URI1: variants seen among roughly 807,000 people sequenced by gnomAD.
URI1 encodes URI1 prefoldin like chaperone.
In URI1, 39 loss-of-function variants were observed where a neutral mutation model predicts 60.2. The ratio of observed to expected loss-of-function variants is 0.65; its 90% CI spans 0.50 to 0.85. URI1 has a LOEUF of 0.85. Among genes scored for constraint, URI1 ranks in the 40% least tolerant of loss-of-function variants. The pLI is 0.00. For synonymous variants in URI1, 251 were observed against 236.8 expected, an observed-to-expected ratio of 1.06 and a Z score of -0.55; for missense variants, 691 against 665.9, an observed-to-expected ratio of 1.04 and a Z score of -0.42.
chr19:29,940,311 G>A (rs1051434187), upstream of URI1, among the ~76,000 whole-genome samples: 1 of 152,108 alleles, frequency 6.6e-6, no homozygotes, highest in African/African-American at 2.4e-5. Flanking sequence ...CCTGGCCAAG[G>A]GGATAGACTG....
At chr19:29,940,310 G>A (rs188622270), upstream of URI1, among the ~76,000 whole-genome samples, 708 of 152,248 alleles carry the variant, frequency 4.7e-3, 7 homozygotes, top group African/African-American at 0.016. Flanking sequence ...TCCTGGCCAA[G>A]GGGATAGACT....
At position 30,015,451 on chromosome 19, in the gene URI1, T is replaced by A. The variant is rs145520644; in HGVS notation, c.*382T>A. 9,129 of 1,511,076 alleles carry A rather than the reference T, an allele frequency of 6.0e-3. 30 individuals carry two copies. Among genetic ancestry groups the A allele is most frequent in the Non-Finnish European group, 7.3e-3 (8,337 of 1,138,590 alleles). 93.6% of individuals were successfully genotyped at this position (1,511,076 alleles called of 1,614,324 possible). On this transcript the variant is annotated 3_prime_UTR_variant, in exon 11 of 11. Transcript: ENST00000392271. ...ACCATATGGACCATTTTAAAGAAAA[T>A]TTTAAAATTTCAAATAGATTCAACA...
In URI1 at chr19:29,999,999, G is replaced by GTAT. The variant is rs1222787515; in HGVS notation, c.368-5356_368-5354dup. On this transcript the variant is annotated intron_variant, in intron 4 of 10. Coordinates refer to ENST00000392271, the MANE Select transcript of URI1 (RefSeq NM_003796.3). ...TTACTTCTTTTTTTTTTAATTTTAT[G>GTAT]TATTATTAACTACCTGTCTATAATT... Among the ~76,000 whole-genome samples the GTAT allele has an allele frequency of 2.0e-3, 285 of 144,228 alleles. 1 individual carries two copies. The highest frequency in any genetic ancestry group is 6.9e-3 in the African/African-American group (271 of 39,238). 94.6% of individuals were successfully genotyped at this position (144,228 alleles called of 152,430 possible).
chr19:29,932,669 T>TTA (rs2054932265), intron 1 of URI1, among the ~76,000 whole-genome samples: 1 of 149,998 alleles, frequency 6.7e-6, no homozygotes, highest in African/African-American at 2.5e-5. Flanking sequence ...TTTTTTTTTT[T>TTA]AGACTGAGTT....
chr19:29,953,045 G>A (rs2055198962), intron 1 of URI1, among the ~76,000 whole-genome samples: 1 of 152,070 alleles, frequency 6.6e-6, no homozygotes. Context: ...TCCGTTTTGA[G>A]TTAATTTCTG....
At chr19:29,987,530 C>T (rs2055687221) in intron 4 of URI1, among the ~76,000 whole-genome samples, 1 of 152,056 alleles carries the variant, frequency 6.6e-6, no homozygotes, top group African/African-American at 2.4e-5. Context: ...TGTATATTAG[C>T]GAAAGAGAAT....
At chr19:30,010,187 C>T (rs1243558894) in intron 8 of URI1, among the ~76,000 whole-genome samples, 2 of 152,218 alleles carry the variant, frequency 1.3e-5, no homozygotes, top group Admixed American at 1.3e-4. Flanking sequence ...GCCCTTTCTA[C>T]ACAATATCCC....
At chr19:29,948,930 C>G (rs2055136365) in intron 1 of URI1, among the ~76,000 whole-genome samples, 1 of 151,438 alleles carries the variant, frequency 6.6e-6, no homozygotes, top group Admixed American at 6.6e-5. Context: ...CAGAGGCACC[C>G]CCCACCTCCC....
chr19:29,970,963 A>G (rs1297592306), intron 1 of URI1: 11 of 524,650 alleles, frequency 2.1e-5, no homozygotes, highest in African/African-American at 2.1e-4. Flanking sequence ...CAAAGTATGA[A>G]TCAGAAAGCT....
chr19:29,985,747 C>T (rs1261773347), intron 3 of URI1, among the ~76,000 whole-genome samples: 1 of 152,012 alleles, frequency 6.6e-6, no homozygotes, highest in Non-Finnish European at 1.5e-5. Context: ...TGTTCATGAG[C>T]CCTGGATTAG....
intron 4 of URI1, among the ~76,000 whole-genome samples, chr19:30,004,726 T>C (rs1178169589): frequency 2.6e-5 from 4 of 152,220 alleles, no homozygotes; most frequent in South Asian, 2.1e-4. Flanking sequence ...TACAGAAACA[T>C]GAATTACTTG....
At chr19:29,979,295 T>C (rs1007169884) in intron 2 of URI1, among the ~76,000 whole-genome samples, 1 of 152,174 alleles carries the variant, frequency 6.6e-6, no homozygotes, top group Non-Finnish European at 1.5e-5. Context: ...AAAAATTACA[T>C]ATAAACTCAT....
At chr19:30,007,443 G>A in intron 6 of URI1, 27 bp from the exon 7 acceptor site, 1 of 1,607,500 alleles carries the variant, frequency 6.2e-7, no homozygotes, top group Admixed American at 1.7e-5. Flanking sequence ...GCTATTAACA[G>A]CCACGTCTTT....
rs34942474 is a variant in URI1, at chr19:29,933,940, C to CTTTTTTTTTT, written c.63+10190_63+10199dup. 2.7e-4 allele frequency among the ~76,000 whole-genome samples: 34 copies of CTTTTTTTTTT among 124,704 alleles called. 3 individuals carry two copies. The highest frequency in any genetic ancestry group is 1.5e-3 in the East Asian group (6 of 4,064). 81.8% of individuals were successfully genotyped at this position (124,704 alleles called of 152,430 possible). ...TCCTTCTTTCTTTTTCTTTTCTTCC[C>CTTTTTTTTTT]TTTTTTTTTTTTTGAGATGAAGTCT... On this transcript the variant is annotated intron_variant, in intron 1 of 10. Transcript: ENST00000360605.
intron 1 of URI1, among the ~76,000 whole-genome samples, chr19:29,961,843 C>G (rs975024393): frequency 1.3e-5 from 2 of 151,840 alleles, no homozygotes; most frequent in Non-Finnish European, 2.9e-5. Flanking sequence ...GCACCACCAC[C>G]CCTGGCTAAT....
intron 1 of URI1, among the ~76,000 whole-genome samples, chr19:29,962,338 A>AT (rs965255775): frequency 3.9e-5 from 5 of 129,428 alleles, no homozygotes; most frequent in Admixed American, 7.6e-5. Context: ...GTGATACATT[A>AT]TTTTTTACTA....
intron 1 of URI1, among the ~76,000 whole-genome samples, chr19:29,955,003 A>AT (rs144293972): frequency 0.012 from 1,738 of 144,970 alleles, 29 homozygotes; most frequent in African/African-American, 0.039. Flanking sequence ...ATTCCTCATC[A>AT]TTTTTTTTTT....
Position 29,969,383 on chromosome 19 carries a change from T to C in URI1, c.118-1810T>C, listed in dbSNP as rs147445751. ...CTACCAGTGACTTGTTTCTTAAACA[T>C]AAAAAGCATATGTGCCAAATTTGCA... On this transcript the variant is annotated intron_variant, in intron 1 of 10. Transcript: ENST00000392271. Among the ~76,000 whole-genome samples, 231 of 152,236 alleles carry C rather than the reference T, an allele frequency of 1.5e-3. 4 individuals carry two copies. The highest frequency in any genetic ancestry group is 8.7e-3 in the South Asian group (42 of 4,826).
At chr19:29,946,884 A>G (rs146991166) in intron 1 of URI1, among the ~76,000 whole-genome samples, 9 of 152,262 alleles carry the variant, frequency 5.9e-5, no homozygotes, top group Admixed American at 3.9e-4. Flanking sequence ...TCTTTCTTTC[A>G]TGGTTACACT....
Sources: allele counts gnomAD v4.1 joint callset (sites outside exome capture counted in the v4.1 genomes callset), GRCh38; gene constraint gnomAD v4.1.1; transcripts MANE v1.5; gene names NCBI Gene and HGNC (gene_info 2026-07-23, HGNC 2026-07-21).